MAP2K4: variants seen among roughly 807,000 people sequenced by gnomAD.
MAP2K4 encodes dual specificity mitogen-activated protein kinase kinase 4.
MAP2K4 carries 4 observed loss-of-function variants against 48.5 expected under a neutral mutation model. The observed-to-expected ratio is 0.08, with a 90% confidence interval of 0.04 to 0.19. The LOEUF (loss-of-function observed/expected upper bound fraction) is 0.19, where lower values mean the gene tolerates loss of function less well. MAP2K4 is among the 10% of genes least tolerant of loss of function. The probability of loss-of-function intolerance (pLI) is 1.00; values close to 1 mark genes in which losing one functional copy is unlikely to be tolerated. For synonymous variants in MAP2K4, 166 were observed against 173.1 expected (o/e 0.96, Z 0.32); for missense variants, 258 against 493.3 (o/e 0.52, Z 4.52).
At chr17:12,051,760 AT>A (rs1320553925) in intron 1 of MAP2K4, among the ~76,000 whole-genome samples, 1 of 151,994 alleles carries the variant, frequency 6.6e-6, no homozygotes, top group Admixed American at 6.6e-5. Context: ...TTTGCTTGTA[AT>A]TTTTTGTCAT....
At chr17:12,113,796 C>A (rs1972386926) in intron 7 of MAP2K4, among the ~76,000 whole-genome samples, 1 of 152,048 alleles carries the variant, frequency 6.6e-6, no homozygotes, top group East Asian at 1.9e-4. Context: ...ATGAAGCACA[C>A]CAACAAATGC....
chr17:12,125,501 G>GAAAAAA, intron 8 of MAP2K4, 130 bp downstream of exon 8: 1 of 511,386 alleles, frequency 2.0e-6, no homozygotes, highest in African/African-American at 2.0e-5. Context: ...TTAAGTTGCT[G>GAAAAAA]AAAAAAAAAA....
intron 2 of MAP2K4, among the ~76,000 whole-genome samples, chr17:12,062,465 G>T (rs1264401182): frequency 6.6e-6 from 1 of 152,062 alleles, no homozygotes; most frequent in Admixed American, 6.6e-5. Flanking sequence ...CTTCTGAGTA[G>T]CTGGCACTAT....
At chr17:12,047,501 A>T (rs917997142) in intron 1 of MAP2K4, among the ~76,000 whole-genome samples, 2 of 152,198 alleles carry the variant, frequency 1.3e-5, no homozygotes, top group Non-Finnish European at 2.9e-5. Flanking sequence ...TTGAGCTTCA[A>T]AACTAGGCCG....
chr17:12,097,484 A>T (rs1245106030), intron 4 of MAP2K4, among the ~76,000 whole-genome samples: 6 of 152,264 alleles, frequency 3.9e-5, no homozygotes, highest in African/African-American at 9.6e-5. Context: ...ATTGACAAAG[A>T]TGTGGAAACA....
At chr17:12,101,244 T>C (rs568459085) in intron 4 of MAP2K4, among the ~76,000 whole-genome samples, 1 of 152,260 alleles carries the variant, frequency 6.6e-6, no homozygotes, top group African/African-American at 2.4e-5. Context: ...TCGAGAGTTA[T>C]ATATTGATGA....
At chr17:12,111,196 A>C (rs190861611) in intron 6 of MAP2K4, among the ~76,000 whole-genome samples, 114 of 152,300 alleles carry the variant, frequency 7.5e-4, no homozygotes, top group Middle Eastern at 3.4e-3. Flanking sequence ...AGGAAAGTAA[A>C]GGGTCAAAAT....
chr17:12,084,050 A>G (rs1178937087), intron 3 of MAP2K4, among the ~76,000 whole-genome samples: 1 of 152,256 alleles, frequency 6.6e-6, no homozygotes. Context: ...CAATATCTGT[A>G]GAAAAGTGAA....
chr17:12,026,144 A>G (rs998501182), intron 1 of MAP2K4, among the ~76,000 whole-genome samples: 3 of 152,128 alleles, frequency 2.0e-5, no homozygotes, highest in Non-Finnish European at 4.4e-5. Flanking sequence ...ATCTCACCTC[A>G]CTTTTAGAAT....
intron 2 of MAP2K4, among the ~76,000 whole-genome samples, chr17:12,063,481 A>C (rs1970516740): frequency 6.6e-6 from 1 of 152,218 alleles, no homozygotes; most frequent in East Asian, 1.9e-4. Flanking sequence ...CCATATGCAA[A>C]AATTACCTCA....
intron 10 of MAP2K4, among the ~76,000 whole-genome samples, chr17:12,140,898 C>T (rs1262902391): frequency 1.3e-5 from 2 of 152,152 alleles, no homozygotes; most frequent in African/African-American, 4.8e-5. Flanking sequence ...AGATGAGTTT[C>T]CAGACCTCAC....
At chr17:12,140,670 A>G (rs1371190178) in intron 10 of MAP2K4, among the ~76,000 whole-genome samples, 1 of 152,188 alleles carries the variant, frequency 6.6e-6, no homozygotes, top group Non-Finnish European at 1.5e-5. Flanking sequence ...AAAGGTCAAA[A>G]GAAGAGGTCA....
At chr17:12,059,976 G>A (rs1158777712) in intron 2 of MAP2K4, among the ~76,000 whole-genome samples, 1 of 152,040 alleles carries the variant, frequency 6.6e-6, no homozygotes, top group African/African-American at 2.4e-5. Flanking sequence ...CAAGAAGTTC[G>A]AGACCAGGCT....
At chr17:12,080,136 G>A (rs1199176979) in intron 2 of MAP2K4, among the ~76,000 whole-genome samples, 2 of 152,166 alleles carry the variant, frequency 1.3e-5, no homozygotes, top group African/African-American at 4.8e-5. Flanking sequence ...CAGAGTGGGG[G>A]TAGATTTTAA....
At chr17:12,044,142 A>G (rs1969884764) in intron 1 of MAP2K4, among the ~76,000 whole-genome samples, 1 of 152,204 alleles carries the variant, frequency 6.6e-6, no homozygotes. Flanking sequence ...CCTGGGACAA[A>G]GGCAAAATAC....
At chr17:12,127,983 G>A (rs1291369660) in intron 8 of MAP2K4, among the ~76,000 whole-genome samples, 3 of 152,242 alleles carry the variant, frequency 2.0e-5, no homozygotes, top group African/African-American at 4.8e-5. Flanking sequence ...TCATCCTCAT[G>A]TATCAGTCAC....
Position 12,054,875 on chromosome 17 carries a change from T to A in MAP2K4, c.116-14T>A. 1.3e-6 allele frequency: 2 copies of A among 1,566,418 alleles called. No homozygotes were observed. Among genetic ancestry groups the A allele is most frequent in the Non-Finnish European group, 1.8e-6 (2 of 1,138,120 alleles). On this transcript the variant is annotated splice_polypyrimidine_tract_variant and intron_variant, in intron 1 of 10. Coordinates refer to ENST00000353533, the MANE Select transcript of MAP2K4 (RefSeq NM_003010.4). Reference sequence around the variant, plus strand: ...AGTACTTGAAACTTTTACTTTTTATTTGTTATTTCTCAGGTAAACGCAAAG... The same window carrying A: ...AGTACTTGAAACTTTTACTTTTTATATGTTATTTCTCAGGTAAACGCAAAG...
intron 8 of MAP2K4, 133 bp downstream of exon 8, chr17:12,125,504 A>G: frequency 1.5e-6 from 1 of 680,638 alleles, no homozygotes; most frequent in Non-Finnish European, 2.6e-6. Flanking sequence ...AGTTGCTGAA[A>G]AAAAAAAAGT....
chr17:12,106,784 T>C (rs1972128792), intron 4 of MAP2K4, among the ~76,000 whole-genome samples: 2 of 152,162 alleles, frequency 1.3e-5, no homozygotes, highest in Non-Finnish European at 2.9e-5. Context: ...TTTACAGTTA[T>C]AATCATGGTA....
Sources: gnomAD v4.1 joint callset for allele counts (sites outside exome capture counted in the v4.1 genomes callset) on GRCh38, gnomAD v4.1.1 for gene constraint, MANE v1.5 for transcripts, NCBI Gene and HGNC (gene_info 2026-07-23, HGNC 2026-07-21) for gene names.